Variants in EPHA5 observed in about 807,000 individuals in gnomAD.
EPHA5 encodes EPH receptor A5, also known as ephrin type-A receptor 5.
A neutral mutation model predicts 105.0 loss-of-function variants in EPHA5; 60 were observed. The observed-to-expected ratio is 0.57, with a 90% CI of 0.46 to 0.71. The LOEUF (loss-of-function observed/expected upper bound fraction) is 0.71, where lower values mean the gene tolerates loss of function less well. EPHA5 is among the 30% of genes least tolerant of loss of function. EPHA5 has a pLI of 0.00. For missense variants in EPHA5, 1,218 were observed against 1,274.7 expected, an observed-to-expected ratio of 0.96 and a Z score of 0.68; for synonymous variants, 513 against 449.1, an observed-to-expected ratio of 1.14 and a Z score of -1.80.
chr4:65,404,347 C>A (rs370079998), intron 8 of EPHA5, 27 bp downstream of exon 8: 5 of 1,594,068 alleles, frequency 3.1e-6, no homozygotes, highest in Non-Finnish European at 4.3e-6. Context: ...AGCTGCAGAA[C>A]TTCAGAATCA....
chr4:65,620,359 T>C (rs982450428), intron 2 of EPHA5, among the ~76,000 whole-genome samples: 10 of 152,056 alleles, frequency 6.6e-5, no homozygotes, highest in African/African-American at 2.4e-4. Flanking sequence ...ACACTGTTTC[T>C]ATTTGATGAG....
chr4:65,576,849 A>G (rs1216158462), intron 3 of EPHA5, among the ~76,000 whole-genome samples: 1 of 152,212 alleles, frequency 6.6e-6, no homozygotes. Flanking sequence ...GGTCATTTGA[A>G]GTAGCACTAC....
At chr4:65,612,842 ATTAT>A (rs1438200577) in intron 2 of EPHA5, among the ~76,000 whole-genome samples, 6 of 151,998 alleles carry the variant, frequency 3.9e-5, no homozygotes, top group South Asian at 2.1e-4. Flanking sequence ...CAGTCTGATG[ATTAT>A]TTATTTATTT....
chr4:65,558,227 T>C (rs1325915014), intron 3 of EPHA5, among the ~76,000 whole-genome samples: 1 of 152,146 alleles, frequency 6.6e-6, no homozygotes, highest in East Asian at 1.9e-4. Context: ...TATTTCTCCA[T>C]TAAGTGTGTG....
At chr4:65,427,507 T>C (rs1418192227) in intron 5 of EPHA5, among the ~76,000 whole-genome samples, 1 of 152,118 alleles carries the variant, frequency 6.6e-6, no homozygotes, top group African/African-American at 2.4e-5. Flanking sequence ...AGATAAAATA[T>C]ATTCCTTCAG....
intron 6 of EPHA5, among the ~76,000 whole-genome samples, chr4:65,417,835 G>A (rs1027022234): frequency 2.6e-5 from 4 of 151,972 alleles, no homozygotes; most frequent in African/African-American, 9.7e-5. Flanking sequence ...AAGCAGCAAC[G>A]TTTTTTAAAA....
At chr4:65,365,353 G>A (rs1255981629) in intron 10 of EPHA5, 151 bp from the exon 11 acceptor site, 1 of 644,920 alleles carries the variant, frequency 1.6e-6, no homozygotes, top group African/African-American at 1.8e-5. Context: ...GAAAAGGGTA[G>A]TCTACACTAC....
In EPHA5 at chr4:65,322,379, A is replaced by G; in HGVS notation, c.*1735T>C. The G allele has an allele frequency of 4.4e-6, 1 of 224,822 alleles. No individual in the cohort carries two copies. Among genetic ancestry groups the G allele is most frequent in the Non-Finnish European group, 8.9e-6 (1 of 112,624 alleles). The allele number at this position is 224,822 out of a possible 1,614,324, so 13.9% of individuals were successfully genotyped here. ...TGGAAAAAAGAATACCATTAATATA[A>G]CGTGGCTATATTTCTGATAAATTTC... On this transcript the variant is annotated 3_prime_UTR_variant, in exon 17 of 17. Transcript: ENST00000613740.
intron 3 of EPHA5, among the ~76,000 whole-genome samples, chr4:65,584,919 G>A (rs1011959760): frequency 2.0e-5 from 3 of 151,796 alleles, no homozygotes; most frequent in Non-Finnish European, 4.4e-5. Context: ...ATGCCTTGGT[G>A]AGAAAATTGA....
At chr4:65,414,658 T>C (rs1723224826) in intron 6 of EPHA5, among the ~76,000 whole-genome samples, 1 of 152,214 alleles carries the variant, frequency 6.6e-6, no homozygotes, top group Non-Finnish European at 1.5e-5. Context: ...GGTGACATAC[T>C]GTCCACCCAT....
At position 65,602,310 on chromosome 4, in the gene EPHA5, C is replaced by G. The variant is rs2149442376; in HGVS notation, c.247-6G>C. 6.6e-7 allele frequency: 1 copy of G among 1,518,142 alleles called. No homozygotes were observed. The highest frequency in any genetic ancestry group is 8.8e-7 in the Non-Finnish European group (1 of 1,142,360). 94.0% of individuals were successfully genotyped at this position (1,518,142 alleles called of 1,614,324 possible). On this transcript the variant is annotated splice_polypyrimidine_tract_variant and splice_region_variant and intron_variant, in intron 2 of 16. Coordinates refer to ENST00000613740, the MANE Select transcript of EPHA5 (RefSeq NM_001281766.3). ...ACTTCACCAATCTCTTCCCACTGTA[C>G]AATATAAAATAGAAAGATAAAAAAA...
chr4:65,532,194 C>G (rs1171250467), intron 3 of EPHA5, among the ~76,000 whole-genome samples: 1 of 152,010 alleles, frequency 6.6e-6, no homozygotes, highest in African/African-American at 2.4e-5. Context: ...ACAACGAGTA[C>G]TCTTTAAAAA....
chr4:65,560,946 A>G (rs1738947437), intron 3 of EPHA5, among the ~76,000 whole-genome samples: 1 of 152,024 alleles, frequency 6.6e-6, no homozygotes, highest in Non-Finnish European at 1.5e-5. Context: ...TCCTCTGTCC[A>G]TCCATGTTGA....
chr4:65,398,013 A>G (rs1463280578), intron 8 of EPHA5, among the ~76,000 whole-genome samples: 1 of 152,158 alleles, frequency 6.6e-6, no homozygotes, highest in African/African-American at 2.4e-5. Flanking sequence ...AGCCAGGACA[A>G]GGTAGAAGCC....
At chr4:65,493,720 T>TA (rs1028929454) in intron 4 of EPHA5, among the ~76,000 whole-genome samples, 2 of 152,026 alleles carry the variant, frequency 1.3e-5, no homozygotes, top group Non-Finnish European at 1.5e-5. Flanking sequence ...GCTTTGGTCC[T>TA]AAAAAAGTGC....
chr4:65,386,527 A>G (rs1322745716), intron 8 of EPHA5, among the ~76,000 whole-genome samples: 1 of 151,890 alleles, frequency 6.6e-6, no homozygotes, highest in Non-Finnish European at 1.5e-5. Context: ...AGTAAGATAC[A>G]AAACATGCAC....
chr4:65,660,399 C>A (rs995243521), intron 1 of EPHA5, among the ~76,000 whole-genome samples: 6 of 152,066 alleles, frequency 3.9e-5, no homozygotes, highest in Non-Finnish European at 2.9e-5. Flanking sequence ...AATTCCTTTT[C>A]TCAGATTGTT....
intron 3 of EPHA5, among the ~76,000 whole-genome samples, chr4:65,500,525 T>A: frequency 6.7e-6 from 1 of 150,236 alleles, no homozygotes; most frequent in Non-Finnish European, 1.5e-5. Flanking sequence ...TGAGAAATTG[T>A]TTAAAGATTC....
chr4:65,573,327 C>G, intron 3 of EPHA5: 1 of 549,220 alleles, frequency 1.8e-6, no homozygotes, highest in Non-Finnish European at 3.0e-6. Flanking sequence ...AGGAGAATGG[C>G]GTGAACCCGG....
Sources: gnomAD v4.1 joint callset for allele counts (sites outside exome capture counted in the v4.1 genomes callset) on GRCh38, gnomAD v4.1.1 for gene constraint, MANE v1.5 for transcripts, NCBI Gene and HGNC (gene_info 2026-07-23, HGNC 2026-07-21) for gene names.